Variants in CS observed in about 807,000 individuals in gnomAD.
CS encodes citrate synthase, also known as citrate synthase, mitochondrial.
Under a neutral mutation model 61.4 loss-of-function variants are expected in CS, and 13 were observed. The ratio of observed to expected loss-of-function variants is 0.21; its 90% CI spans 0.14 to 0.34. CS has a LOEUF of 0.34. CS is among the 10% of genes least tolerant of loss of function. The pLI, the probability that CS is intolerant of heterozygous loss-of-function variation, is 1.00. For synonymous variants in CS, 159 were observed against 215.2 expected (o/e 0.74, Z 2.29); for missense variants, 278 against 573.4 (o/e 0.48, Z 5.26).
chr12:56,288,126 A>G (rs1253719952), intron 1 of CS, among the ~76,000 whole-genome samples: 1 of 152,160 alleles, frequency 6.6e-6, no homozygotes, highest in African/African-American at 2.4e-5. Context: ...CACACACCTC[A>G]CAGAATAGTC....
intron 1 of CS, among the ~76,000 whole-genome samples, chr12:56,289,306 C>T: frequency 6.6e-6 from 1 of 152,174 alleles, no homozygotes; most frequent in East Asian, 1.9e-4. Context: ...TAACCTTGTT[C>T]AAGCTATTCC....
chr12:56,275,157 C>A (rs1396159043), intron 7 of CS, 26 bp from the exon 8 acceptor site: 1 of 1,613,480 alleles, frequency 6.2e-7, no homozygotes, highest in African/African-American at 1.3e-5. Context: ...AAGGGAGAGC[C>A]AAGGGAAGAA....
At position 56,277,162 on chromosome 12, in the gene CS, C is replaced by G. The variant is rs1334800349; in HGVS notation, c.589-967G>C. ...GAGGTTGCAGTGAGCCGAGATAGTG[C>G]CACTGCACTCCAGCCTGGACCACAG... On this transcript the variant is annotated intron_variant, in intron 6 of 10. Transcript: ENST00000351328. 8.7e-5 allele frequency among the ~76,000 whole-genome samples: 13 copies of G among 148,768 alleles called. No homozygotes were observed. The Admixed American group carries it at 8.8e-4, about 10-fold the overall frequency.
chr12:56,284,689 C>G (rs1397357411), intron 3 of CS, among the ~76,000 whole-genome samples: 1 of 26,646 alleles, frequency 3.8e-5, no homozygotes, highest in African/African-American at 1.4e-4. Context: ...ATCACGACGT[C>G]AGGATATCGA....
At chr12:56,295,051 C>T (rs531188677) in intron 1 of CS, among the ~76,000 whole-genome samples, 52 of 152,026 alleles carry the variant, frequency 3.4e-4, no homozygotes, top group Non-Finnish European at 4.9e-4. Context: ...CAGGCGTGAG[C>T]CACTGTGCCT....
chr12:56,297,997 C>T lies in CS; in HGVS notation c.42+2163G>A, dbSNP rs958873100. The stretch of plus-strand genomic sequence containing the variant: ...CATTATTGGGCTTTGCTACCCCCCC[C>T]GCCCTTTTTTTTCTCTTTGAAACGG... On this transcript the variant is annotated intron_variant, in intron 1 of 10. Transcript: ENST00000351328. Among the ~76,000 whole-genome samples the T allele has an allele frequency of 1.4e-4, 21 of 151,980 alleles. No homozygotes were observed. The South Asian group carries it at 3.1e-3, about 23-fold the overall frequency.
intron 5 of CS, 95 bp downstream of exon 5, chr12:56,282,765 C>T: frequency 6.3e-7 from 1 of 1,578,962 alleles, no homozygotes; most frequent in Non-Finnish European, 8.7e-7. Flanking sequence ...CACTACGCAT[C>T]TCTATAAATG....
chr12:56,283,336 T>G (rs1872833178), intron 4 of CS, among the ~76,000 whole-genome samples: 1 of 152,140 alleles, frequency 6.6e-6, no homozygotes, highest in African/African-American at 2.4e-5. Context: ...CTCCGCCTCC[T>G]GGGTTCACGC....
chr12:56,286,228 G>A (rs189003439), intron 2 of CS: 11 of 572,406 alleles, frequency 1.9e-5, no homozygotes, highest in African/African-American at 5.6e-5. Context: ...ACAGTTTCTC[G>A]GTTTGGGCAG....
chr12:56,291,826 A>C (rs1295783761), intron 1 of CS: 1 of 152,238 alleles, frequency 6.6e-6, no homozygotes, highest in Non-Finnish European at 1.5e-5. Flanking sequence ...GGCTACTTCC[A>C]AAGACAAGGG....
chr12:56,286,963 G>C (rs1189970256), intron 1 of CS, among the ~76,000 whole-genome samples: 3 of 152,170 alleles, frequency 2.0e-5, no homozygotes, highest in Non-Finnish European at 2.9e-5. Flanking sequence ...TGAGGAAACT[G>C]AGCAATTACT....
intron 3 of CS, chr12:56,285,157 G>T: frequency 3.7e-6 from 1 of 270,674 alleles, no homozygotes; most frequent in Admixed American, 4.0e-5. Context: ...TGTTGGCCAG[G>T]CTGGTCTCGA....
At chr12:56,286,049 G>C in intron 2 of CS, 26 bp from the exon 3 acceptor site, 3 of 1,567,412 alleles carry the variant, frequency 1.9e-6, no homozygotes, top group Non-Finnish European at 2.6e-6. Context: ...GAAGGACTAA[G>C]CAATGGTCTA....
chr12:56,281,922 G>A (rs143720231), intron 6 of CS, among the ~76,000 whole-genome samples: 4 of 152,198 alleles, frequency 2.6e-5, no homozygotes, highest in East Asian at 1.9e-4. Flanking sequence ...GCAGTGGTGC[G>A]ATCTCGGCTC....
intron 2 of CS, chr12:56,286,363 A>G (rs1872938973): frequency 1.8e-6 from 1 of 543,164 alleles, no homozygotes; most frequent in Admixed American, 3.4e-5. Context: ...TACTTAAAAC[A>G]TTTAAAAGAA....
intron 6 of CS, among the ~76,000 whole-genome samples, chr12:56,281,417 A>G (rs577361020): frequency 3.9e-5 from 6 of 152,256 alleles, no homozygotes; most frequent in Non-Finnish European, 5.9e-5. Flanking sequence ...CTGGATCTGG[A>G]GCCTACTCCA....
At chr12:56,282,084 C>A (rs577299395) in intron 6 of CS, among the ~76,000 whole-genome samples, 1 of 152,330 alleles carries the variant, frequency 6.6e-6, no homozygotes, top group South Asian at 2.1e-4. Context: ...GTCTTGAACT[C>A]CTGACCTCGT....
At chr12:56,281,532 G>C (rs754026288) in intron 6 of CS, among the ~76,000 whole-genome samples, 7 of 152,186 alleles carry the variant, frequency 4.6e-5, no homozygotes, top group African/African-American at 9.7e-5. Context: ...TGCAATTGCT[G>C]TTCTCCCAAC....
At position 56,300,126 on chromosome 12, in the gene CS, C is replaced by G. The variant is rs780711231; in HGVS notation, c.42+34G>C. ...GGCCTGCGGTCGCCTCAGCCCCACC[C>G]TGGGACGGCGTGCTCCCTCCCCTCG... On this transcript the variant is annotated intron_variant, in intron 1 of 10. Coordinates refer to ENST00000351328, the MANE Select transcript of CS (RefSeq NM_004077.3). The G allele has an allele frequency of 9.0e-6, 14 of 1,550,426 alleles. No individual in the cohort carries two copies. The East Asian group carries it at 3.4e-4, about 38-fold the overall frequency.
Sources: gnomAD v4.1 joint callset for allele counts (sites outside exome capture counted in the v4.1 genomes callset) on GRCh38, gnomAD v4.1.1 for gene constraint, MANE v1.5 for transcripts, NCBI Gene and HGNC (gene_info 2026-07-23, HGNC 2026-07-21) for gene names.